The following ANO2 variants were observed in gnomAD, a reference collection of about 807,000 sequenced individuals.
ANO2 encodes the protein anoctamin-2.
In ANO2, 101 loss-of-function variants were observed where a neutral mutation model predicts 124.2. The observed-to-expected ratio is 0.81, with a 90% CI of 0.69 to 0.96. The LOEUF is 0.96. Ranked by LOEUF, ANO2 falls within the 40% of genes least tolerant of loss-of-function variation. The pLI is 0.00. For synonymous variants in ANO2, 486 were observed against 482.5 expected (o/e 1.01, Z -0.09); for missense variants, 1,293 against 1,274.5 (o/e 1.01, Z -0.22).
chr12:5,727,661 G>A (rs1186823209), intron 14 of ANO2, among the ~76,000 whole-genome samples: 6 of 131,080 alleles, frequency 4.6e-5, no homozygotes, highest in East Asian at 2.3e-4. Context: ...TTTTTGAGAC[G>A]GAGTCTCACT....
At chr12:5,622,844 A>G (rs530720149) in intron 16 of ANO2, among the ~76,000 whole-genome samples, 1 of 152,058 alleles carries the variant, frequency 6.6e-6, no homozygotes, top group East Asian at 1.9e-4. Flanking sequence ...TGCAGCTACA[A>G]TCCCAGCTAC....
chr12:5,667,151 T>A (rs889420406), intron 14 of ANO2, among the ~76,000 whole-genome samples: 2 of 152,182 alleles, frequency 1.3e-5, no homozygotes, highest in African/African-American at 4.8e-5. Context: ...CTTCCCTTGG[T>A]TGAAGAAGGG....
intron 3 of ANO2, among the ~76,000 whole-genome samples, chr12:5,861,670 G>A (rs939678494): frequency 1.3e-5 from 2 of 152,126 alleles, no homozygotes; most frequent in African/African-American, 4.8e-5. Context: ...GCAGCACATC[G>A]GCGCCCGGGA....
chr12:5,576,436 CCT>C (rs1221792181), intron 22 of ANO2, among the ~76,000 whole-genome samples: 6 of 152,176 alleles, frequency 3.9e-5, no homozygotes, highest in African/African-American at 1.2e-4. Context: ...TACATCTGCC[CCT>C]GAGTAGTACC....
intron 23 of ANO2, among the ~76,000 whole-genome samples, chr12:5,571,994 A>G (rs1014709435): frequency 7.2e-5 from 11 of 152,122 alleles, no homozygotes; most frequent in African/African-American, 2.2e-4. Flanking sequence ...ACATCTACCT[A>G]TATTTCACAG....
At chr12:5,916,492 T>TAAAAAAAAAAA (rs57056611) in intron 3 of ANO2, among the ~76,000 whole-genome samples, 1 of 93,154 alleles carries the variant, frequency 1.1e-5, no homozygotes, top group Non-Finnish European at 2.0e-5. Context: ...CGCAGCAGGT[T>TAAAAAAAAAAA]AAAAAAAAAA....
Position 5,925,182 on chromosome 12 carries a change from C to T in ANO2, c.23-2378G>A, listed in dbSNP as rs1020397378. Among the ~76,000 whole-genome samples, 1 of 152,150 alleles carries T rather than the reference C, an allele frequency of 6.6e-6. No individual in the cohort carries two copies. Among genetic ancestry groups the T allele is most frequent in the Non-Finnish European group, 1.5e-5 (1 of 68,034 alleles). On this transcript the variant is annotated intron_variant, in intron 1 of 24. Transcript: ENST00000682330. The surrounding 1 kb of genome is among the most constrained non-coding windows in gnomAD (Gnocchi z 4.6). ...GATAAAGATGATGTTCACTCAAGGG[C>T]CACCCTACCCTGGCAGCTACATTCA...
rs192149661 is a variant in ANO2 at position 5,679,363 on chromosome 12, G to T, written c.1546-31562C>A. On this transcript the variant is annotated intron_variant, in intron 14 of 24. Coordinates refer to ENST00000682330, the MANE Select transcript of ANO2 (RefSeq NM_001364791.2). ...GAGTGAATAGATGACCCGCAGAATG[G>T]GAGAAAATTTTTGCAACCTATCCAT... 2.2e-3 allele frequency among the ~76,000 whole-genome samples: 328 copies of T among 152,240 alleles called. 1 individual carries two copies. The highest frequency in any genetic ancestry group is 7.5e-3 in the African/African-American group (312 of 41,524).
chr12:5,583,957 G>T, intron 20 of ANO2: 1 of 229,436 alleles, frequency 4.4e-6, no homozygotes, highest in South Asian at 8.5e-5. Flanking sequence ...CTGAAGGCAC[G>T]GAGCACCATG....
chr12:5,871,060 T>C (rs1033313075), intron 3 of ANO2, among the ~76,000 whole-genome samples: 15 of 152,218 alleles, frequency 9.9e-5, no homozygotes, highest in Non-Finnish European at 1.6e-4. Flanking sequence ...GGCCTTTTTC[T>C]AATTGGCATA....
chr12:5,694,734 TTTTGTTTGTTTG>T (rs575589730), intron 14 of ANO2, among the ~76,000 whole-genome samples: 75 of 152,058 alleles, frequency 4.9e-4, no homozygotes, highest in Non-Finnish European at 5.9e-5. Flanking sequence ...GTTTTCTTTG[TTTTGTTTGTTTG>T]TTTGTTTGTT....
Position 5,830,506 on chromosome 12 carries a change from A to G in ANO2, c.786-17T>C. 1 of 1,607,020 alleles carries G rather than the reference A, an allele frequency of 6.2e-7. No individual in the cohort carries two copies. Among genetic ancestry groups the G allele is most frequent in the Admixed American group, 1.7e-5 (1 of 59,134 alleles). On this transcript the variant is annotated splice_polypyrimidine_tract_variant and intron_variant, in intron 5 of 24. Transcript: ENST00000682330. ...ATGTTGTACCTGGAGACACCAAGAG[A>G]GCAGATGGCAAATTCATTTCATTAC...
chr12:5,618,215 T>C (rs1010097471), intron 16 of ANO2, among the ~76,000 whole-genome samples: 1 of 152,166 alleles, frequency 6.6e-6, no homozygotes, highest in South Asian at 2.1e-4. Flanking sequence ...TCCCTGGCTC[T>C]TCCAGCCTGT....
intron 3 of ANO2, among the ~76,000 whole-genome samples, chr12:5,884,878 G>C (rs1261203707): frequency 6.6e-6 from 1 of 151,852 alleles, no homozygotes; most frequent in African/African-American, 2.4e-5. Context: ...GAGAGCAGAG[G>C]GGACCCTAAA....
intron 7 of ANO2, among the ~76,000 whole-genome samples, chr12:5,810,677 A>C (rs1314585038): frequency 2.0e-5 from 3 of 152,216 alleles, no homozygotes; most frequent in Non-Finnish European, 4.4e-5. Flanking sequence ...GTCTCAGCTC[A>C]AAGTATAGCC....
chr12:5,941,767 T>C (rs761981961), intron 1 of ANO2, among the ~76,000 whole-genome samples: 2 of 151,570 alleles, frequency 1.3e-5, no homozygotes, highest in Admixed American at 6.6e-5. Flanking sequence ...TCAAAAGAGA[T>C]TATACATTAA....
chr12:5,581,580 T>C (rs1942759272), intron 20 of ANO2, among the ~76,000 whole-genome samples: 1 of 152,194 alleles, frequency 6.6e-6, no homozygotes, highest in Non-Finnish European at 1.5e-5. Flanking sequence ...TCTCCAGACA[T>C]GGACTCTCTG....
At chr12:5,731,991 AG>A (rs1950660541) in intron 14 of ANO2, among the ~76,000 whole-genome samples, 1 of 152,212 alleles carries the variant, frequency 6.6e-6, no homozygotes, top group Non-Finnish European at 1.5e-5. Context: ...ATAGACCTGC[AG>A]TGGAATCCCA....
At chr12:5,781,334 T>G (rs570367289) in intron 10 of ANO2, among the ~76,000 whole-genome samples, 2 of 152,350 alleles carry the variant, frequency 1.3e-5, no homozygotes, top group Admixed American at 6.5e-5. Context: ...CTCTTGCTAA[T>G]TAATATCTAT....
Sources: gnomAD v4.1 joint callset for allele counts (sites outside exome capture counted in the v4.1 genomes callset) on GRCh38, gnomAD v4.1.1 for gene constraint, Gnocchi (gnomAD v3.1) non-coding constraint, MANE v1.5 for transcripts, NCBI Gene and HGNC (gene_info 2026-07-23, HGNC 2026-07-21) for gene names.